The following ZNF280D variants were observed in gnomAD, a reference collection of about 807,000 sequenced individuals.
ZNF280D encodes the protein suppressor of hairy wing homolog 4.
A neutral mutation model predicts 94.7 loss-of-function variants in ZNF280D; 39 were observed. That is an observed-to-expected ratio of 0.41 (90% CI 0.32 to 0.54). ZNF280D has a LOEUF of 0.54. Among genes scored for constraint, ZNF280D ranks in the 20% least tolerant of loss-of-function variants. The pLI, the probability that ZNF280D is intolerant of heterozygous loss-of-function variation, is 0.22. For missense variants in ZNF280D, 1,090 were observed against 1,149.3 expected (o/e 0.95, Z 0.75); for synonymous variants, 398 against 377.6 (o/e 1.05, Z -0.63).
At chr15:56,653,037 C>A in intron 19 of ZNF280D, 3 of 966,466 alleles carry the variant, frequency 3.1e-6, no homozygotes, top group Non-Finnish European at 3.7e-6. Flanking sequence ...AATCAAAATG[C>A]AAGAATCGGT....
intron 2 of ZNF280D, 43 bp downstream of exon 2, chr15:56,707,220 G>A: frequency 6.3e-7 from 1 of 1,593,790 alleles, no homozygotes; most frequent in Non-Finnish European, 8.6e-7. Context: ...ATGAAACTTG[G>A]GATTCACAAA....
At chr15:56,720,593 G>C (rs554314794) in intron 1 of ZNF280D, among the ~76,000 whole-genome samples, 3 of 152,110 alleles carry the variant, frequency 2.0e-5, no homozygotes, top group Non-Finnish European at 4.4e-5. Context: ...AGATCCATCA[G>C]AGAAATCATA....
intron 15 of ZNF280D, 55 bp downstream of exon 15, chr15:56,666,624 A>ATATAAACT: frequency 6.6e-7 from 1 of 1,513,248 alleles, no homozygotes; most frequent in Non-Finnish European, 8.8e-7. Context: ...TAACTAAAGT[A>ATATAAACT]TAAGTTTTTA....
intron 1 of ZNF280D, among the ~76,000 whole-genome samples, chr15:56,708,981 C>T (rs200073960): frequency 0.059 from 8,932 of 151,990 alleles, 346 homozygotes; most frequent in South Asian, 0.16. Flanking sequence ...CCAAAAGCAA[C>T]GGCAACAAAA....
rs561566988 is a variant in ZNF280D, at chr15:56,721,445, T to G, written c.-86+12013A>C. ...AGCTATGAAAGTCCTAGATGGTATC[T>G]TCTTCCAATAAATAGAAGTCTATTT... On this transcript the variant is annotated intron_variant, in intron 1 of 21. Coordinates refer to ENST00000267807, the MANE Select transcript of ZNF280D (RefSeq NM_017661.4). 7.2e-5 allele frequency among the ~76,000 whole-genome samples: 11 copies of G among 152,366 alleles called. No homozygotes were observed. The East Asian group carries it at 1.9e-3, about 27-fold the overall frequency.
Position 56,675,690 on chromosome 15 carries a change from C to T in ZNF280D, c.1410+980G>A, listed in dbSNP as rs570743608. Among the ~76,000 whole-genome samples, 8 of 152,106 alleles carry T rather than the reference C, an allele frequency of 5.3e-5. No individual in the cohort carries two copies. The South Asian group carries it at 1.0e-3, about 20-fold the overall frequency. ...ATCCCAAATTGATCTGGAAATTCTA[C>T]TTTCATGATCTTCTCCAATTAAAAA... is the stretch of plus-strand genomic sequence containing the variant. On this transcript the variant is annotated intron_variant, in intron 13 of 21. Transcript: ENST00000267807.
At position 56,669,950 on chromosome 15, in the gene ZNF280D, TATATATATATATTATATATATATA is replaced by T. The variant is rs2054678395; in HGVS notation, c.1411-1017_1411-994del. ...TTATATATATATTATATATATATATTATATATATATATTATATATATATAATATATATATTATATATATATATTA... is the reference window on the plus strand; with the variant it reads ...TTATATATATATTATATATATATATTATATATATATTATATATATATATTA... On this transcript the variant is annotated intron_variant, in intron 13 of 21. Transcript: ENST00000267807. Among the ~76,000 whole-genome samples, 3 of 1,050 alleles carry T rather than the reference TATATATATATATTATATATATATA, an allele frequency of 2.9e-3. 1 individual carries two copies. The highest frequency in any genetic ancestry group is 6.7e-3 in the African/African-American group (3 of 446). The allele number at this position is 1,050 out of a possible 152,430, so 0.7% of individuals were successfully genotyped here. A position where few individuals can be genotyped will look rare whatever the true frequency, so the allele number is the denominator to read the frequency against.
intron 6 of ZNF280D, among the ~76,000 whole-genome samples, chr15:56,695,697 T>C (rs1048320837): frequency 7.2e-5 from 11 of 151,822 alleles, no homozygotes; most frequent in Admixed American, 3.3e-4. Flanking sequence ...GCCCAGCTAA[T>C]TTTCGTATTT....
chr15:56,690,355 C>G (rs2056353709), intron 7 of ZNF280D, among the ~76,000 whole-genome samples: 1 of 152,058 alleles, frequency 6.6e-6, no homozygotes, highest in African/African-American at 2.4e-5. Context: ...GCACTCCAGC[C>G]TGGGCAACAG....
intron 14 of ZNF280D, among the ~76,000 whole-genome samples, chr15:56,667,547 A>G (rs1384040589): frequency 6.6e-6 from 1 of 152,198 alleles, no homozygotes; most frequent in African/African-American, 2.4e-5. Flanking sequence ...AAGTAAACTA[A>G]TACAAAGTTC....
At chr15:56,698,835 G>C (rs1447694847) in intron 6 of ZNF280D, 3 of 152,192 alleles carry the variant, frequency 2.0e-5, no homozygotes, top group Admixed American at 6.5e-5. Context: ...GAGATTCTCA[G>C]TCCAACATCC....
chr15:56,708,294 C>A (rs989069741), intron 1 of ZNF280D, among the ~76,000 whole-genome samples: 1 of 152,098 alleles, frequency 6.6e-6, no homozygotes, highest in Admixed American at 6.6e-5. Flanking sequence ...GAGACTCTAG[C>A]GAATCTTGTG....
At chr15:56,703,690 C>CA (rs1304727916) in intron 4 of ZNF280D, among the ~76,000 whole-genome samples, 1 of 151,594 alleles carries the variant, frequency 6.6e-6, no homozygotes, top group Non-Finnish European at 1.5e-5. Flanking sequence ...CCTGTCTCTA[C>CA]AAAAAATACA....
At chr15:56,650,793 C>T (rs2053162607) in intron 19 of ZNF280D, among the ~76,000 whole-genome samples, 1 of 151,930 alleles carries the variant, frequency 6.6e-6, no homozygotes, top group Non-Finnish European at 1.5e-5. Flanking sequence ...GGTAGATATA[C>T]AAGAAAACAG....
At chr15:56,638,396 AGCTAGATTCCACAGT>A (rs376000581) in intron 20 of ZNF280D, among the ~76,000 whole-genome samples, 2 of 152,328 alleles carry the variant, frequency 1.3e-5, no homozygotes, top group East Asian at 3.9e-4. Context: ...AGTGATACGG[AGCTAGATTCCACAGT>A]GCAACAAGCA....
intron 1 of ZNF280D, among the ~76,000 whole-genome samples, chr15:56,729,491 A>G (rs1567053101): frequency 6.6e-6 from 1 of 152,332 alleles, no homozygotes; most frequent in East Asian, 1.9e-4. Context: ...TCAACCATCA[A>G]TGAATTTTAA....
At chr15:56,707,431 T>C (rs879588584) in intron 1 of ZNF280D, 125 bp from the exon 2 acceptor site, 108 of 694,186 alleles carry the variant, frequency 1.6e-4, no homozygotes, top group Non-Finnish European at 2.2e-4. Context: ...TATAGTTCAT[T>C]TTACATAATT....
rs561103374 is a variant in ZNF280D at position 56,713,030 on chromosome 15, A to C, written c.-85-5724T>G. On this transcript the variant is annotated intron_variant, in intron 1 of 21. Coordinates refer to ENST00000267807, the MANE Select transcript of ZNF280D (RefSeq NM_017661.4). ...GCTGGCATTACAGGTGTGAGCCACCATGCCCGGTCAAATGGTTAACTTCTA... is the reference window on the plus strand; with the variant it reads ...GCTGGCATTACAGGTGTGAGCCACCCTGCCCGGTCAAATGGTTAACTTCTA... 9.2e-4 allele frequency among the ~76,000 whole-genome samples: 140 copies of C among 152,220 alleles called. 1 individual carries two copies. The highest frequency in any genetic ancestry group is 3.3e-3 in the African/African-American group (138 of 41,546).
chr15:56,726,089 T>C (rs1401044565), intron 1 of ZNF280D, among the ~76,000 whole-genome samples: 2 of 152,012 alleles, frequency 1.3e-5, no homozygotes, highest in African/African-American at 4.8e-5. Flanking sequence ...AAGGTAAAGC[T>C]TGGAAGAAAG....
Sources: allele counts gnomAD v4.1 joint callset (sites outside exome capture counted in the v4.1 genomes callset), GRCh38; gene constraint gnomAD v4.1.1; transcripts MANE v1.5; gene names NCBI Gene and HGNC (gene_info 2026-07-23, HGNC 2026-07-21).